The following SNTG1 variants were observed in gnomAD, a reference collection of about 807,000 sequenced individuals.
The protein encoded by SNTG1 is syntrophin gamma 1.
SNTG1 carries 39 observed loss-of-function variants against 74.7 expected under a neutral mutation model. The ratio of observed to expected loss-of-function variants is 0.52; its 90% CI spans 0.40 to 0.68. The LOEUF is 0.68. Ranked by LOEUF, SNTG1 falls within the 30% of genes least tolerant of loss-of-function variation. SNTG1 has a pLI of 0.00. For synonymous variants in SNTG1, 254 were observed against 217.1 expected (o/e 1.17, Z -1.49); for missense variants, 685 against 609.5 (o/e 1.12, Z -1.30).
intron 18 of SNTG1, among the ~76,000 whole-genome samples, chr8:50,775,758 T>G (rs560410228): frequency 6.6e-6 from 1 of 151,860 alleles, no homozygotes; most frequent in African/African-American, 2.4e-5. Flanking sequence ...ACCTTTCAAT[T>G]CTATCAGTTT....
intron 2 of SNTG1, among the ~76,000 whole-genome samples, chr8:50,324,424 C>CA (rs1259725992): frequency 1.3e-5 from 2 of 152,134 alleles, no homozygotes; most frequent in Non-Finnish European, 2.9e-5. Flanking sequence ...AAGTTTAAAC[C>CA]AGGTACTGTG....
chr8:50,004,709 A>T (rs1056840064), intron 1 of SNTG1, among the ~76,000 whole-genome samples: 1 of 152,212 alleles, frequency 6.6e-6, no homozygotes, highest in Non-Finnish European at 1.5e-5. Flanking sequence ...AGATTTCTGG[A>T]GCCTTTAGAG....
rs931936900 is a variant in SNTG1 at position 50,062,385 on chromosome 8, A to AT, written c.-102-110167dup. Among the ~76,000 whole-genome samples, 16 of 149,724 alleles carry AT rather than the reference A, an allele frequency of 1.1e-4. No homozygotes were observed. The East Asian group carries it at 2.4e-3, about 22-fold the overall frequency. On this transcript the variant is annotated intron_variant, in intron 1 of 18. Transcript: ENST00000642720. ...TCTAACTCCAATTATGGATTTGTCTATTTTTTTTTCAACTCTTATCAGTTT... is the reference window on the plus strand; with the variant it reads ...TCTAACTCCAATTATGGATTTGTCTATTTTTTTTTTCAACTCTTATCAGTTT...
At chr8:50,635,463 G>A (rs1452902897) in intron 13 of SNTG1, among the ~76,000 whole-genome samples, 1 of 152,046 alleles carries the variant, frequency 6.6e-6, no homozygotes, top group Non-Finnish European at 1.5e-5. Flanking sequence ...AATTTACCTG[G>A]TGCTCTACTC....
chr8:50,529,795 C>T (rs967873727), intron 9 of SNTG1, among the ~76,000 whole-genome samples: 1 of 151,898 alleles, frequency 6.6e-6, no homozygotes, highest in African/African-American at 2.4e-5. Context: ...TAGGATTTAC[C>T]ACTTGGTTGA....
chr8:50,670,798 C>G (rs1487554291), intron 15 of SNTG1, among the ~76,000 whole-genome samples: 2 of 148,252 alleles, frequency 1.3e-5, no homozygotes. Context: ...AACTATACTA[C>G]AAGGCTACAG....
chr8:50,654,232 G>A (rs1029913402), intron 13 of SNTG1, among the ~76,000 whole-genome samples: 1 of 151,982 alleles, frequency 6.6e-6, no homozygotes, highest in Non-Finnish European at 1.5e-5. Flanking sequence ...GTATTTCTCA[G>A]TGTAACACCT....
In SNTG1 at chr8:50,120,128, G is replaced by A. The variant is rs908085225; in HGVS notation, c.-102-52433G>A. ...GTTATTTTTGTTTTCTCCCCCTCTA[G>A]CAAAAATGTTAATAGTAGTAGTAAC... On this transcript the variant is annotated intron_variant, in intron 1 of 18. Transcript: ENST00000642720. Among the ~76,000 whole-genome samples the A allele has an allele frequency of 5.0e-5, 7 of 141,124 alleles. 1 individual carries two copies. The highest frequency in any genetic ancestry group is 1.8e-4 in the African/African-American group (7 of 39,050). The allele number at this position is 141,124 out of a possible 152,430, so 92.6% of individuals were successfully genotyped here. A position where few individuals can be genotyped will look rare whatever the true frequency, so the allele number is the denominator to read the frequency against.
intron 2 of SNTG1, among the ~76,000 whole-genome samples, chr8:50,253,072 G>T (rs573923336): frequency 2.0e-5 from 3 of 152,098 alleles, no homozygotes; most frequent in African/African-American, 7.2e-5. Flanking sequence ...TTTACACACC[G>T]TTGGTGGGAC....
intron 17 of SNTG1, among the ~76,000 whole-genome samples, chr8:50,716,550 A>T (rs1243088663): frequency 6.6e-6 from 1 of 152,166 alleles, no homozygotes; most frequent in East Asian, 1.9e-4. Flanking sequence ...ACGAACTCAG[A>T]CATTTAGGGA....
chr8:50,388,917 A>G (rs2092615174), intron 2 of SNTG1, among the ~76,000 whole-genome samples: 2 of 152,150 alleles, frequency 1.3e-5, no homozygotes, highest in Admixed American at 6.6e-5. Flanking sequence ...TTGACGCAGG[A>G]GTCTTCAATG....
At chr8:50,511,880 C>A (rs983437953) in intron 9 of SNTG1, among the ~76,000 whole-genome samples, 1 of 152,100 alleles carries the variant, frequency 6.6e-6, no homozygotes, top group African/African-American at 2.4e-5. Flanking sequence ...ATTTGCCAGT[C>A]TGTGTCTTTT....
intron 8 of SNTG1, among the ~76,000 whole-genome samples, chr8:50,500,610 T>A (rs1031967957): frequency 2.6e-5 from 4 of 152,214 alleles, no homozygotes; most frequent in African/African-American, 7.2e-5. Flanking sequence ...TTTTACTATA[T>A]CCTGGTCATT....
chr8:49,991,340 G>A (rs2130312112), intron 1 of SNTG1, among the ~76,000 whole-genome samples: 1 of 152,298 alleles, frequency 6.6e-6, no homozygotes, highest in Non-Finnish European at 1.5e-5. Context: ...TGCAAGGCTG[G>A]TGGGATTGTA....
chr8:50,454,854 A>G (rs1339206512), intron 8 of SNTG1, among the ~76,000 whole-genome samples: 1 of 150,674 alleles, frequency 6.6e-6, no homozygotes, highest in East Asian at 2.0e-4. Flanking sequence ...AAAAAAAAGA[A>G]TTATCTGAGT....
intron 3 of SNTG1, among the ~76,000 whole-genome samples, chr8:50,400,618 C>T (rs2092791045): frequency 6.6e-6 from 1 of 152,146 alleles, no homozygotes; most frequent in African/African-American, 2.4e-5. Context: ...TTTCCACTAA[C>T]AGTGTGTAAG....
chr8:50,686,873 C>T (rs533569594), intron 15 of SNTG1, among the ~76,000 whole-genome samples: 32 of 151,914 alleles, frequency 2.1e-4, no homozygotes, highest in African/African-American at 6.3e-4. Context: ...CGGTGGCTCA[C>T]GCCTGTAATC....
intron 8 of SNTG1, among the ~76,000 whole-genome samples, chr8:50,501,589 C>T (rs981998765): frequency 8.7e-5 from 13 of 149,646 alleles, no homozygotes; most frequent in South Asian, 2.1e-4. Context: ...ACGCCTGCCA[C>T]GAAGACCGGT....
intron 15 of SNTG1, among the ~76,000 whole-genome samples, chr8:50,684,235 TG>T (rs2095342707): frequency 6.6e-6 from 1 of 152,200 alleles, no homozygotes; most frequent in African/African-American, 2.4e-5. Context: ...TCTCTGCCTG[TG>T]TGTTTTCTAA....
Sources: allele counts gnomAD v4.1 joint callset (sites outside exome capture counted in the v4.1 genomes callset), GRCh38; gene constraint gnomAD v4.1.1; transcripts MANE v1.5; gene names NCBI Gene and HGNC (gene_info 2026-07-23, HGNC 2026-07-21).